NCALD: variants seen among roughly 807,000 people sequenced by gnomAD.
The protein encoded by NCALD is neurocalcin delta, also known as neurocalcin-delta.
NCALD carries 10 observed loss-of-function variants against 18.6 expected under a neutral mutation model. That is an observed-to-expected ratio of 0.54 (90% confidence interval 0.33 to 0.91). The LOEUF is 0.91. Ranked by LOEUF, NCALD falls within the 40% of genes least tolerant of loss-of-function variation. NCALD has a pLI of 0.03. For synonymous variants in NCALD, 88 were observed against 87.4 expected (o/e 1.01, Z -0.04); for missense variants, 184 against 247.6 (o/e 0.74, Z 1.72).
chr8:101,939,149 C>A (rs1486004787), intron 2 of NCALD, among the ~76,000 whole-genome samples: 1 of 152,082 alleles, frequency 6.6e-6, no homozygotes, highest in East Asian at 1.9e-4. Context: ...CAATAAATGT[C>A]CAATAAATTA....
At chr8:101,779,420 C>T (rs1340597933) in intron 1 of NCALD, among the ~76,000 whole-genome samples, 1 of 152,036 alleles carries the variant, frequency 6.6e-6, no homozygotes, top group Non-Finnish European at 1.5e-5. Context: ...TTAGTTTCTC[C>T]AGGTCAGAGA....
At chr8:101,909,030 T>TCC (rs777695919) in intron 3 of NCALD, among the ~76,000 whole-genome samples, 2 of 151,976 alleles carry the variant, frequency 1.3e-5, no homozygotes, top group Non-Finnish European at 1.5e-5. Context: ...AATAAAGAAG[T>TCC]CCCCTCTGTT....
intron 1 of NCALD, among the ~76,000 whole-genome samples, chr8:101,752,629 A>T (rs16868341): frequency 0.026 from 3,956 of 152,300 alleles, 139 homozygotes; most frequent in East Asian, 0.11. Flanking sequence ...AGTTTTCTTA[A>T]GCTTTATTTT....
chr8:102,106,454 T>C (rs1825453810), intron 1 of NCALD, among the ~76,000 whole-genome samples: 1 of 137,872 alleles, frequency 7.3e-6, no homozygotes, highest in Non-Finnish European at 1.6e-5. Flanking sequence ...AGTATATATA[T>C]ATATATATAT....
At chr8:102,048,967 C>T (rs1281566556) in intron 1 of NCALD, among the ~76,000 whole-genome samples, 1 of 152,156 alleles carries the variant, frequency 6.6e-6, no homozygotes, top group Non-Finnish European at 1.5e-5. Context: ...CTGTAACAGC[C>T]TTAATGCTCC....
At chr8:101,980,977 C>G (rs1586863847) in intron 2 of NCALD, among the ~76,000 whole-genome samples, 2 of 152,340 alleles carry the variant, frequency 1.3e-5, no homozygotes, top group East Asian at 3.9e-4. Context: ...ACAACCATCT[C>G]TCTCTTTTCC....
intron 4 of NCALD, among the ~76,000 whole-genome samples, chr8:101,854,444 T>C (rs1294335287): frequency 6.6e-6 from 1 of 152,148 alleles, no homozygotes; most frequent in Non-Finnish European, 1.5e-5. Context: ...AGCTCCTACA[T>C]TCACTTTCTA....
chr8:101,738,887 A>T (rs1299570738), intron 1 of NCALD, among the ~76,000 whole-genome samples: 1 of 152,054 alleles, frequency 6.6e-6, no homozygotes, highest in Non-Finnish European at 1.5e-5. Context: ...CATCATCTTC[A>T]TCATCATCAT....
At chr8:102,065,299 C>T (rs904146645) in intron 1 of NCALD, among the ~76,000 whole-genome samples, 107 of 151,638 alleles carry the variant, frequency 7.1e-4, no homozygotes, top group Non-Finnish European at 3.8e-4. Flanking sequence ...CTGCTCCATA[C>T]GCAGGCGCCA....
At chr8:102,037,493 T>A (rs1262291833) in intron 1 of NCALD, among the ~76,000 whole-genome samples, 1 of 152,204 alleles carries the variant, frequency 6.6e-6, no homozygotes, top group East Asian at 1.9e-4. Flanking sequence ...ACATTTAGTG[T>A]GTGTGTAGAT....
chr8:101,722,972 G>C (rs1385177203), intron 1 of NCALD, among the ~76,000 whole-genome samples: 5 of 152,200 alleles, frequency 3.3e-5, no homozygotes, highest in African/African-American at 9.7e-5. Flanking sequence ...ACAAATCTTA[G>C]GGGACATTTG....
chr8:102,103,385 G>A (rs2132422013), intron 1 of NCALD, among the ~76,000 whole-genome samples: 1 of 152,192 alleles, frequency 6.6e-6, no homozygotes, highest in Non-Finnish European at 1.5e-5. Flanking sequence ...AATAATGACA[G>A]TCCATACCGC....
chr8:101,892,823 C>A (rs373586235), intron 3 of NCALD, among the ~76,000 whole-genome samples: 127 of 143,302 alleles, frequency 8.9e-4, no homozygotes, highest in African/African-American at 2.6e-3. Flanking sequence ...AAAAAGAATA[C>A]AAAGAAATAA....
chr8:102,000,784 G>T (rs183209368), intron 2 of NCALD, among the ~76,000 whole-genome samples: 4,072 of 152,206 alleles, frequency 0.027, 124 homozygotes, highest in East Asian at 0.13. Context: ...GTGGACCTCC[G>T]GCAAACTCCA....
intron 1 of NCALD, among the ~76,000 whole-genome samples, chr8:101,744,233 G>A (rs1393360820): frequency 6.6e-6 from 1 of 152,150 alleles, no homozygotes; most frequent in African/African-American, 2.4e-5. Flanking sequence ...TCTACTGCAG[G>A]CAGGGAAGCA....
chr8:101,744,366 C>T (rs1395879463), intron 1 of NCALD, among the ~76,000 whole-genome samples: 1 of 152,194 alleles, frequency 6.6e-6, no homozygotes, highest in Non-Finnish European at 1.5e-5. Context: ...GCATTTTAAA[C>T]ATCTCCAATT....
intron 1 of NCALD, among the ~76,000 whole-genome samples, chr8:101,721,765 G>A (rs1167890076): frequency 1.3e-5 from 2 of 152,036 alleles, no homozygotes; most frequent in Non-Finnish European, 2.9e-5. Context: ...TCATATGCAG[G>A]TGTCCAAAGT....
At chr8:102,078,927 A>G (rs1294689016) in intron 1 of NCALD, among the ~76,000 whole-genome samples, 2 of 152,190 alleles carry the variant, frequency 1.3e-5, no homozygotes, top group Non-Finnish European at 2.9e-5. Context: ...GCGCTTATTA[A>G]TACTTGGTAA....
At chr8:101,888,393 T>C (rs1374372197) in intron 3 of NCALD, among the ~76,000 whole-genome samples, 2 of 151,456 alleles carry the variant, frequency 1.3e-5, no homozygotes, top group Non-Finnish European at 1.5e-5. Context: ...CTGGACTTTC[T>C]TTTTTATTTA....
Sources: gnomAD v4.1 joint callset for allele counts (sites outside exome capture counted in the v4.1 genomes callset) on GRCh38, gnomAD v4.1.1 for gene constraint, MANE v1.5 for transcripts, NCBI Gene and HGNC (gene_info 2026-07-23, HGNC 2026-07-21) for gene names.